The following CPS1 variants were observed in gnomAD, a reference collection of about 807,000 sequenced individuals.
CPS1 encodes the protein carbamoyl-phosphate synthase 1, also known as carbamoyl-phosphate synthase [ammonia], mitochondrial.
CPS1 carries 109 observed loss-of-function variants against 174.6 expected under a neutral mutation model. That is an observed-to-expected ratio of 0.62 (90% CI 0.53 to 0.73). The LOEUF (loss-of-function observed/expected upper bound fraction) is 0.73. Among genes scored for constraint, CPS1 ranks in the 30% least tolerant of loss-of-function variants. CPS1 has a pLI of 0.00. For missense variants in CPS1, 1,689 were observed against 1,821.9 expected, an observed-to-expected ratio of 0.93 and a Z score of 1.33; for synonymous variants, 637 against 632.0, an observed-to-expected ratio of 1.01 and a Z score of -0.12.
At chr2:210,628,034 A>G (rs1699746221) in intron 21 of CPS1, among the ~76,000 whole-genome samples, 1 of 152,086 alleles carries the variant, frequency 6.6e-6, no homozygotes, top group South Asian at 2.1e-4. Flanking sequence ...GTTTTGGGCA[A>G]AGGTATTTGC....
chr2:210,499,185 G>T (rs1695078358), intron 1 of CPS1, among the ~76,000 whole-genome samples: 1 of 152,096 alleles, frequency 6.6e-6, no homozygotes, highest in Non-Finnish European at 1.5e-5. Flanking sequence ...GCAGGGTGGG[G>T]TATCTTAGGT....
chr2:210,532,768 A>T (rs374272835), intron 1 of CPS1, among the ~76,000 whole-genome samples: 1 of 152,158 alleles, frequency 6.6e-6, no homozygotes, highest in Non-Finnish European at 1.5e-5. Context: ...AACAGTTCCT[A>T]TTCAGGGTGC....
At chr2:210,576,834 T>A (rs1208359192) in intron 3 of CPS1, among the ~76,000 whole-genome samples, 1 of 152,180 alleles carries the variant, frequency 6.6e-6, no homozygotes, top group Non-Finnish European at 1.5e-5. Context: ...TATTTGCTTT[T>A]TAATCTTAGC....
intron 16 of CPS1, among the ~76,000 whole-genome samples, chr2:210,603,458 G>T (rs539372661): frequency 6.6e-6 from 1 of 151,790 alleles, no homozygotes; most frequent in African/African-American, 2.4e-5. Context: ...AATGTTTCTT[G>T]TTACCATTCT....
At chr2:210,614,357 C>T (rs1352095143) in intron 20 of CPS1, among the ~76,000 whole-genome samples, 1 of 151,806 alleles carries the variant, frequency 6.6e-6, no homozygotes, top group African/African-American at 2.4e-5. Flanking sequence ...CTGCAATAAA[C>T]ATACGTGTGC....
rs1699311392 is a variant in CPS1 at position 210,616,505 on chromosome 2, T to C, written c.2651T>C (p.Ile884Thr). Residue 884 changes from isoleucine to threonine, a missense_variant, in exon 21 of 38, where the codon ATT becomes ACT. Coordinates refer to ENST00000233072, the MANE Select transcript of CPS1 (RefSeq NM_001875.5). ...DKWFLYKMRDILNMEKTLKGL... is the reference protein window; with the variant it reads ...DKWFLYKMRDTLNMEKTLKGL... The stretch of plus-strand genomic sequence containing the variant: ...TGGTTTTTGTATAAGATGCGTGATA[T>C]TTTAAACATGGAAAAGACACTGAAA... 2 of 1,611,476 alleles carry C rather than the reference T, an allele frequency of 1.2e-6. No homozygotes were observed. The highest frequency in any genetic ancestry group is 1.7e-6 in the Non-Finnish European group (2 of 1,178,124).
intron 1 of CPS1, among the ~76,000 whole-genome samples, chr2:210,567,470 A>T (rs1697339759): frequency 1.3e-5 from 2 of 152,260 alleles, no homozygotes; most frequent in East Asian, 3.9e-4. Context: ...AAACAAACAA[A>T]TTTTTTGCTG....
intron 23 of CPS1, among the ~76,000 whole-genome samples, chr2:210,639,636 A>G (rs971364680): frequency 6.7e-6 from 1 of 149,986 alleles, no homozygotes; most frequent in Non-Finnish European, 1.5e-5. Flanking sequence ...AAAAAAAAAA[A>G]AAAAAAAAGG....
At chr2:210,659,053 C>T (rs1700821445) in intron 31 of CPS1, among the ~76,000 whole-genome samples, 1 of 152,170 alleles carries the variant, frequency 6.6e-6, no homozygotes, top group Non-Finnish European at 1.5e-5. Flanking sequence ...ACTCCTTACC[C>T]AGAGACGATA....
At position 210,520,150 on chromosome 2, in the gene CPS1, CAT is replaced by C. The variant is rs1214440496; in HGVS notation, c.4-36564_4-36563del. On this transcript the variant is annotated intron_variant, in intron 1 of 38. Coordinates refer to the CPS1 transcript ENST00000430249. ...ATATAACTTTGATAAATATAAAACA[CAT>C]ATATTTTAGAAAGTTTATTAATGTA... Among the ~76,000 whole-genome samples, 7 of 151,898 alleles carry C rather than the reference CAT, an allele frequency of 4.6e-5. No homozygotes were observed. In the East Asian group the frequency reaches 1.2e-3, roughly 25 times the overall value.
rs1297773340 is a variant in CPS1 at position 210,650,569 on chromosome 2, G to A, written c.3480+131G>A. The A allele has an allele frequency of 4.0e-6, 3 of 759,270 alleles. No individual in the cohort carries two copies. In the African/African-American group the frequency reaches 5.2e-5, roughly 13 times the overall value. 47.0% of individuals were successfully genotyped at this position (759,270 alleles called of 1,614,324 possible). The stretch of plus-strand genomic sequence containing the variant: ...TTTGTATGTTTTCTTTTCACACAAT[G>A]TGTTAGAATGAGTTTTCTTTTTTCC... On this transcript the variant is annotated intron_variant, in intron 28 of 37. Coordinates refer to ENST00000233072, the MANE Select transcript of CPS1 (RefSeq NM_001875.5).
At chr2:210,622,257 A>G (rs1021682550) in intron 21 of CPS1, among the ~76,000 whole-genome samples, 55 of 151,654 alleles carry the variant, frequency 3.6e-4, no homozygotes, top group Admixed American at 2.8e-3. Context: ...TAATATATTT[A>G]TATTTGTGTA....
intron 25 of CPS1, among the ~76,000 whole-genome samples, chr2:210,643,536 G>T (rs4482415): frequency 2.6e-5 from 4 of 151,992 alleles, no homozygotes; most frequent in Non-Finnish European, 4.4e-5. Flanking sequence ...TAAATTCTCC[G>T]TGCTTTATCT....
intron 25 of CPS1, 96 bp downstream of exon 25, chr2:210,642,761 T>C: frequency 1.8e-6 from 2 of 1,130,400 alleles, no homozygotes; most frequent in Non-Finnish European, 1.3e-6. Flanking sequence ...ATGTATATAG[T>C]AATTCCTCTT....
intron 30 of CPS1, among the ~76,000 whole-genome samples, chr2:210,658,002 G>T (rs1700775640): frequency 6.6e-6 from 1 of 152,182 alleles, no homozygotes; most frequent in Admixed American, 6.5e-5. Flanking sequence ...AGGAGCTCTT[G>T]CTCTTTGTAA....
At chr2:210,554,482 A>T (rs1007662401), upstream of CPS1, among the ~76,000 whole-genome samples, 4 of 151,892 alleles carry the variant, frequency 2.6e-5, no homozygotes, top group African/African-American at 9.7e-5. Context: ...ATAAATGGTG[A>T]TGAAGTCTTT....
chr2:210,543,071 G>A (rs959832020), intron 1 of CPS1, among the ~76,000 whole-genome samples: 1 of 152,092 alleles, frequency 6.6e-6, no homozygotes, highest in Non-Finnish European at 1.5e-5. Context: ...GGTTTTAGGT[G>A]TGAGCAATTA....
intron 13 of CPS1, among the ~76,000 whole-genome samples, chr2:210,596,142 A>G (rs776416114): frequency 1.1e-4 from 16 of 151,956 alleles, no homozygotes; most frequent in Non-Finnish European, 2.1e-4. Context: ...AGAAAAAAAG[A>G]TTTGATACAC....
intron 20 of CPS1, among the ~76,000 whole-genome samples, chr2:210,613,215 G>T (rs928667616): frequency 6.6e-6 from 1 of 151,862 alleles, no homozygotes; most frequent in African/African-American, 2.4e-5. Flanking sequence ...GAAAAATGTT[G>T]TTAGTGATTT....
Sources: gnomAD v4.1 joint callset for allele counts (sites outside exome capture counted in the v4.1 genomes callset) on GRCh38, gnomAD v4.1.1 for gene constraint, MANE v1.5 for transcripts, NCBI Gene and HGNC (gene_info 2026-07-23, HGNC 2026-07-21) for gene names.